ZNF236: variants seen among roughly 807,000 people sequenced by gnomAD.
The protein encoded by ZNF236 is zinc finger protein 236.
Under a neutral mutation model 191.2 loss-of-function variants are expected in ZNF236, and 50 were observed. The ratio of observed to expected loss-of-function variants is 0.26; its 90% CI spans 0.21 to 0.33. The LOEUF is 0.33. Among genes scored for constraint, ZNF236 ranks in the 10% least tolerant of loss-of-function variants. The pLI, the probability that ZNF236 is intolerant of heterozygous loss-of-function variation, is 1.00. For missense variants in ZNF236, 1,754 were observed against 2,374.5 expected (o/e 0.74, Z 5.43); for synonymous variants, 907 against 928.8 (o/e 0.98, Z 0.43).
chr18:76,968,825 T>G lies in ZNF236; in HGVS notation c.*486T>G. ...CAACACACAGGGAAGTTTTTTCCAC[T>G]CTTTTCTCTGTGCATTTTGAAAATT... On this transcript the variant is annotated 3_prime_UTR_variant, in exon 31 of 31. Transcript: ENST00000320610. 3 of 987,602 alleles carry G rather than the reference T, an allele frequency of 3.0e-6. No individual in the cohort carries two copies. The highest frequency in any genetic ancestry group is 3.6e-6 in the Non-Finnish European group (3 of 831,538). The allele number at this position is 987,602 out of a possible 1,614,324, so 61.2% of individuals were successfully genotyped here.
At chr18:76,863,208 A>G (rs1976294809) in intron 3 of ZNF236, among the ~76,000 whole-genome samples, 1 of 152,190 alleles carries the variant, frequency 6.6e-6, no homozygotes, top group African/African-American at 2.4e-5. Flanking sequence ...GAACTTTGGG[A>G]CAATAACAGA....
intron 25 of ZNF236, among the ~76,000 whole-genome samples, chr18:76,929,226 G>A (rs1258704817): frequency 6.6e-6 from 1 of 151,944 alleles, no homozygotes; most frequent in Non-Finnish European, 1.5e-5. Context: ...GAAATTTGAG[G>A]AACTGTTTTT....
chr18:76,824,010 A>C, intron 1 of ZNF236: 1 of 293,750 alleles, frequency 3.4e-6, no homozygotes. Context: ...TCCCTATGGG[A>C]GTCGGTGGGT....
At chr18:76,864,827 A>G (rs1288163595) in intron 3 of ZNF236, among the ~76,000 whole-genome samples, 11 of 151,996 alleles carry the variant, frequency 7.2e-5, no homozygotes. Flanking sequence ...TTCCGTATGT[A>G]TAATCCTACC....
intron 20 of ZNF236, among the ~76,000 whole-genome samples, chr18:76,921,421 A>C (rs1294973344): frequency 6.6e-6 from 1 of 152,180 alleles, no homozygotes; most frequent in African/African-American, 2.4e-5. Context: ...AGGAGGAGCT[A>C]AGGGGTTGTG....
At chr18:76,895,807 G>A (rs1413274499) in intron 10 of ZNF236, among the ~76,000 whole-genome samples, 2 of 147,666 alleles carry the variant, frequency 1.4e-5, no homozygotes, top group Admixed American at 1.3e-4. Context: ...ACAGCACTTT[G>A]CACAGGTACT....
At chr18:76,840,622 A>AT (rs10659204) in intron 1 of ZNF236, among the ~76,000 whole-genome samples, 51,250 of 115,404 alleles carry the variant, frequency 0.44, 13,445 homozygotes, top group African/African-American at 0.57. Context: ...GTAAAGGTGA[A>AT]TTTTTTTTTT....
At chr18:76,910,511 T>C (rs1244186435) in intron 15 of ZNF236, 149 bp from the exon 16 acceptor site, 2 of 798,054 alleles carry the variant, frequency 2.5e-6, no homozygotes, top group Non-Finnish European at 3.9e-6. Context: ...GCAAACAGTG[T>C]TAAAGCTTGC....
chr18:76,891,153 G>A (rs1977219867), intron 9 of ZNF236, among the ~76,000 whole-genome samples: 1 of 152,056 alleles, frequency 6.6e-6, no homozygotes, highest in Non-Finnish European at 1.5e-5. Context: ...ACTGCATCGG[G>A]GTCAGTGCCT....
At chr18:76,878,477 A>G (rs1050203849) in intron 7 of ZNF236, among the ~76,000 whole-genome samples, 1 of 152,180 alleles carries the variant, frequency 6.6e-6, no homozygotes, top group Non-Finnish European at 1.5e-5. Context: ...CTTTGTAGGT[A>G]ATATTTCTCT....
At chr18:76,833,997 G>C (rs1975244792) in intron 1 of ZNF236, among the ~76,000 whole-genome samples, 1 of 151,920 alleles carries the variant, frequency 6.6e-6, no homozygotes, top group South Asian at 2.1e-4. Flanking sequence ...TGGCCTTTTG[G>C]GGAAAATTTT....
At chr18:76,851,069 A>G (rs1975850513) in intron 2 of ZNF236, among the ~76,000 whole-genome samples, 1 of 145,934 alleles carries the variant, frequency 6.9e-6, no homozygotes, top group South Asian at 2.3e-4. Flanking sequence ...AAACTCTATT[A>G]TTTCAATGAA....
At chr18:76,908,953 ATGTGTGTGTC>A (rs1392577424) in intron 14 of ZNF236, among the ~76,000 whole-genome samples, 49 of 117,314 alleles carry the variant, frequency 4.2e-4, no homozygotes, top group Non-Finnish European at 5.2e-4. Flanking sequence ...GTGTGTGTGT[ATGTGTGTGTC>A]TGTGTGTGTG....
Position 76,881,530 on chromosome 18 carries a change from T to C in ZNF236, c.1417+18T>C. ...TCTACCTGGTAATTTTCCTAAACTT[T>C]AAAGTTTGGACATTTGGGATAGCAT... On this transcript the variant is annotated intron_variant, in intron 9 of 30. Coordinates refer to ENST00000320610, the MANE Select transcript of ZNF236 (RefSeq NM_001306089.2). 6.2e-7 allele frequency: 1 copy of C among 1,601,186 alleles called. No individual in the cohort carries two copies. The highest frequency in any genetic ancestry group is 8.5e-7 in the Non-Finnish European group (1 of 1,175,134).
At chr18:76,824,521 G>T in intron 1 of ZNF236, 1 of 771,968 alleles carries the variant, frequency 1.3e-6, no homozygotes, top group South Asian at 1.4e-5. Flanking sequence ...TTTTGGCCTT[G>T]ACCTTATTTC....
rs1568232819 is a variant in ZNF236 at position 76,925,094 on chromosome 18, C to G, written c.3662-95C>G. 18 of 1,517,758 alleles carry G rather than the reference C, an allele frequency of 1.2e-5. No homozygotes were observed. The South Asian group carries it at 1.8e-4, about 15-fold the overall frequency. The allele number at this position is 1,517,758 out of a possible 1,614,324, so 94.0% of individuals were successfully genotyped here. On this transcript the variant is annotated intron_variant, in intron 21 of 30. Transcript: ENST00000320610. The surrounding 1 kb of genome is among the most constrained non-coding windows in gnomAD (Gnocchi z 5.7). ...ATTAAAGTACTTCCATCCACTGATT[C>G]AACATATTTACATCCATAGTGACAG...
chr18:76,858,246 C>T (rs773874686), intron 3 of ZNF236, among the ~76,000 whole-genome samples: 2 of 152,174 alleles, frequency 1.3e-5, no homozygotes, highest in Non-Finnish European at 2.9e-5. Context: ...ATTCACTTAA[C>T]TTTTTATTTT....
intron 1 of ZNF236, among the ~76,000 whole-genome samples, chr18:76,828,643 T>C (rs952580010): frequency 6.6e-6 from 1 of 152,130 alleles, no homozygotes; most frequent in African/African-American, 2.4e-5. Context: ...AATTGAACTT[T>C]TTAGGTAGGC....
chr18:76,913,372 G>A (rs1967268524), intron 17 of ZNF236, among the ~76,000 whole-genome samples: 1 of 152,168 alleles, frequency 6.6e-6, no homozygotes, highest in Admixed American at 6.5e-5. Context: ...TGAGGCAATG[G>A]AAGGATTCAT....
Sources: allele counts gnomAD v4.1 joint callset (sites outside exome capture counted in the v4.1 genomes callset), GRCh38; gene constraint gnomAD v4.1.1; non-coding constraint Gnocchi (gnomAD v3.1); transcripts MANE v1.5; gene names NCBI Gene and HGNC (gene_info 2026-07-23, HGNC 2026-07-21).